Variants in C1D observed in about 807,000 individuals in gnomAD.
The protein encoded by C1D is nuclear nucleic acid-binding protein C1D.
A neutral mutation model predicts 17.5 loss-of-function variants in C1D; 10 were observed. That is an observed-to-expected ratio of 0.57 (90% confidence interval 0.35 to 0.97). The LOEUF is 0.97. Ranked by LOEUF, C1D falls within the 50% of genes least tolerant of loss-of-function variation. The probability of loss-of-function intolerance (pLI) is 0.01; values close to 1 mark genes in which losing one functional copy is unlikely to be tolerated. For missense variants in C1D, 136 were observed against 160.1 expected (o/e 0.85, Z 0.81); for synonymous variants, 49 against 54.0 (o/e 0.91, Z 0.40).
At chr2:68,048,079 A>G (rs1425064636) in intron 1 of C1D, among the ~76,000 whole-genome samples, 1 of 152,156 alleles carries the variant, frequency 6.6e-6, no homozygotes, top group East Asian at 1.9e-4. Flanking sequence ...AGAAATCCAA[A>G]GAGTCTATAA....
chr2:68,047,696 T>A (rs1166115846), intron 1 of C1D, among the ~76,000 whole-genome samples: 1 of 152,222 alleles, frequency 6.6e-6, no homozygotes, highest in Non-Finnish European at 1.5e-5. Context: ...CCTGGGTAGC[T>A]GGGACTACAG....
chr2:68,053,284 T>C lies in C1D; in HGVS notation c.-9-5965A>G, dbSNP rs180859699. On this transcript the variant is annotated intron_variant, in intron 1 of 4. Coordinates refer to ENST00000410067, the MANE Select transcript of C1D (RefSeq NM_173177.3). ...TGTTACTGCCACTCAGTCCTTCCTCTCACTGGTTATACAGAAGCCAAAGTA... is the reference window on the plus strand; with the variant it reads ...TGTTACTGCCACTCAGTCCTTCCTCCCACTGGTTATACAGAAGCCAAAGTA... 3.7e-5 allele frequency: 53 copies of C among 1,416,386 alleles called. No homozygotes were observed. In the East Asian group the frequency reaches 1.2e-3, roughly 33 times the overall value. 87.7% of individuals were successfully genotyped at this position (1,416,386 alleles called of 1,614,324 possible).
chr2:68,043,268 A>G (rs1267324627), intron 4 of C1D, among the ~76,000 whole-genome samples: 3 of 152,188 alleles, frequency 2.0e-5, no homozygotes, highest in Admixed American at 6.5e-5. Flanking sequence ...TTAAAAAGTC[A>G]TTTCAGAAGT....
intron 1 of C1D, among the ~76,000 whole-genome samples, chr2:68,055,491 G>A (rs1671411089): frequency 6.6e-6 from 1 of 151,714 alleles, no homozygotes. Flanking sequence ...AAAAAAAAGT[G>A]GGGGAAGAAA....
At position 68,041,316 on chromosome 2, in the gene C1D, C is replaced by G. The variant is rs1252812917; in HGVS notation, c.*1573G>C. On this transcript the variant is annotated 3_prime_UTR_variant, in exon 5 of 5. Transcript: ENST00000410067. ...CTTAGCTAAAACCAATAATGATTTTCTGCAATTGTATAACATTTTTCATTT... is the reference window on the plus strand; with the variant it reads ...CTTAGCTAAAACCAATAATGATTTTGTGCAATTGTATAACATTTTTCATTT... The G allele has an allele frequency of 1.3e-5, 2 of 151,968 alleles. No homozygotes were observed. Among genetic ancestry groups the G allele is most frequent in the African/African-American group, 4.8e-5 (2 of 41,438 alleles). 9.4% of individuals were successfully genotyped at this position (151,968 alleles called of 1,614,324 possible). A position where few individuals can be genotyped will look rare whatever the true frequency, so the allele number is the denominator to read the frequency against.
Position 68,047,452 on chromosome 2 carries a change from T to C in C1D, c.-9-133A>G, listed in dbSNP as rs539909612. 126 of 609,694 alleles carry C rather than the reference T, an allele frequency of 2.1e-4. 4 individuals are homozygous for C. The South Asian group carries it at 4.4e-3, about 21-fold the overall frequency. 37.8% of individuals were successfully genotyped at this position (609,694 alleles called of 1,614,324 possible). ...GTTAAAACCTGAAGACAAATCTTTT[T>C]AAAATTTAATTCTAGATTAACTACA... On this transcript the variant is annotated intron_variant, in intron 1 of 4. Transcript: ENST00000410067.
rs547921902 is a variant in C1D, at chr2:68,062,229, A to G, written c.-10+729T>C. Among the ~76,000 whole-genome samples, 3 of 152,230 alleles carry G rather than the reference A, an allele frequency of 2.0e-5. 1 individual carries two copies. In the South Asian group the frequency reaches 6.2e-4, roughly 32 times the overall value. On this transcript the variant is annotated intron_variant, in intron 1 of 4. Coordinates refer to ENST00000410067, the MANE Select transcript of C1D (RefSeq NM_173177.3). ...TTAATTTTTTAAAAAATCACGGTTA[A>G]GTCTTGGTTCAGTCCACCATCAGAC...
chr2:68,052,390 C>CACTT (rs1317610549), intron 1 of C1D, among the ~76,000 whole-genome samples: 61 of 151,274 alleles, frequency 4.0e-4, no homozygotes, highest in African/African-American at 1.4e-3. Context: ...TAATAAAAAA[C>CACTT]AAATAAAGGC....
intron 1 of C1D, among the ~76,000 whole-genome samples, chr2:68,058,572 T>C (rs1325870692): frequency 6.6e-6 from 1 of 152,244 alleles, no homozygotes; most frequent in South Asian, 2.1e-4. Flanking sequence ...GGCTGGTAAG[T>C]GGTAAAGTTC....
rs1416261389 is a variant in C1D, at chr2:68,044,740, A to G, written c.261+1248T>C. 2.0e-5 allele frequency among the ~76,000 whole-genome samples: 3 copies of G among 152,106 alleles called. No homozygotes were observed. In the South Asian group the frequency reaches 6.2e-4, roughly 32 times the overall value. ...GAAAAAAAAAGAAAAAGAAAAGGGGAAGAGGTTTATGCATGCTTTTTATTC... is the reference window on the plus strand; with the variant it reads ...GAAAAAAAAAGAAAAAGAAAAGGGGGAGAGGTTTATGCATGCTTTTTATTC... On this transcript the variant is annotated intron_variant, in intron 4 of 4. Coordinates refer to ENST00000410067, the MANE Select transcript of C1D (RefSeq NM_173177.3).
chr2:68,045,394 G>A (rs901269520), intron 4 of C1D, among the ~76,000 whole-genome samples: 8 of 152,074 alleles, frequency 5.3e-5, no homozygotes, highest in African/African-American at 1.9e-4. Flanking sequence ...AATTTTTGAA[G>A]TCAGCAAAAA....
In C1D at chr2:68,046,018, A is replaced by AT. The variant is rs750964306; in HGVS notation, c.230dup (p.Asn77LysfsTer3). ...CCTGTTTTACTGGATGTTCCTTAGG[A>AT]TTAACTCCTTGGGTTGCCAAATAAA... On this transcript the variant is annotated frameshift_variant, in exon 4 of 5. Coordinates refer to ENST00000410067, the MANE Select transcript of C1D (RefSeq NM_173177.3). LOFTEE classifies it high-confidence loss of function. 10 of 1,590,638 alleles carry AT rather than the reference A, an allele frequency of 6.3e-6. No individual in the cohort carries two copies. Among genetic ancestry groups the AT allele is most frequent in the Admixed American group, 3.6e-5 (2 of 56,100 alleles).
chr2:68,053,553 C>T (rs1671347864), intron 1 of C1D, among the ~76,000 whole-genome samples: 1 of 152,168 alleles, frequency 6.6e-6, no homozygotes, highest in Admixed American at 6.5e-5. Flanking sequence ...AATTTTTCTC[C>T]ACTCCCAGTT....
intron 1 of C1D, among the ~76,000 whole-genome samples, chr2:68,061,758 T>C (rs1354692438): frequency 6.6e-6 from 1 of 152,198 alleles, no homozygotes; most frequent in Non-Finnish European, 1.5e-5. Context: ...AGGGTCAACT[T>C]TGGAAACAGT....
At chr2:68,055,948 C>T (rs1671428177) in intron 1 of C1D, among the ~76,000 whole-genome samples, 1 of 152,184 alleles carries the variant, frequency 6.6e-6, no homozygotes. Flanking sequence ...AATATTTAAG[C>T]AGCTCCATTA....
rs536320787 is a variant in C1D, at chr2:68,047,145, T to C, written c.138+28A>G. On this transcript the variant is annotated intron_variant, in intron 2 of 4. Coordinates refer to ENST00000410067, the MANE Select transcript of C1D (RefSeq NM_173177.3). The stretch of plus-strand genomic sequence containing the variant: ...ATAGCATTCTGTTTTATGAAATTCA[T>C]TTTTAGGAAATTACATTTTTAAAAT... 432 of 1,586,954 alleles carry C rather than the reference T, an allele frequency of 2.7e-4. 7 individuals are homozygous for C. The South Asian group carries it at 4.7e-3, about 17-fold the overall frequency.
chr2:68,041,316 C>T lies in C1D; in HGVS notation c.*1573G>A, dbSNP rs1252812917. The T allele has an allele frequency of 6.6e-6, 1 of 151,968 alleles. No individual in the cohort carries two copies. The highest frequency in any genetic ancestry group is 1.5e-5 in the Non-Finnish European group (1 of 67,866). 9.4% of individuals were successfully genotyped at this position (151,968 alleles called of 1,614,324 possible). A position where few individuals can be genotyped will look rare whatever the true frequency, so the allele number is the denominator to read the frequency against. On this transcript the variant is annotated 3_prime_UTR_variant, in exon 5 of 5. Coordinates refer to ENST00000410067, the MANE Select transcript of C1D (RefSeq NM_173177.3). ...CTTAGCTAAAACCAATAATGATTTT[C>T]TGCAATTGTATAACATTTTTCATTT...
chr2:68,051,500 A>C (rs1244328295), intron 1 of C1D, among the ~76,000 whole-genome samples: 3 of 152,162 alleles, frequency 2.0e-5, no homozygotes, highest in African/African-American at 7.2e-5. Context: ...TCTATTTTTA[A>C]AATCAAAAAA....
chr2:68,054,696 T>C (rs1671388368), intron 1 of C1D, among the ~76,000 whole-genome samples: 1 of 151,902 alleles, frequency 6.6e-6, no homozygotes, highest in South Asian at 2.1e-4. Context: ...GCACCATGGC[T>C]CACATCTGTA....
Sources: gnomAD v4.1 joint callset for allele counts (sites outside exome capture counted in the v4.1 genomes callset) on GRCh38, gnomAD v4.1.1 for gene constraint, MANE v1.5 for transcripts, NCBI Gene and HGNC (gene_info 2026-07-23, HGNC 2026-07-21) for gene names.